Variants in SEMA5A observed in about 807,000 individuals in gnomAD.
SEMA5A encodes the protein semaphorin-5A.
SEMA5A carries 55 observed loss-of-function variants against 135.5 expected under a neutral mutation model. The ratio of observed to expected loss-of-function variants is 0.41; its 90% CI spans 0.33 to 0.51. The LOEUF (loss-of-function observed/expected upper bound fraction) is 0.51, where lower values mean the gene tolerates loss of function less well. Among genes scored for constraint, SEMA5A ranks in the 20% least tolerant of loss-of-function variants. SEMA5A has a pLI of 0.37. For synonymous variants in SEMA5A, 580 were observed against 546.5 expected (o/e 1.06, Z -0.85); for missense variants, 1,290 against 1,419.9 (o/e 0.91, Z 1.47).
intron 11 of SEMA5A, among the ~76,000 whole-genome samples, chr5:9,174,013 G>A (rs1201034986): frequency 6.6e-6 from 1 of 152,196 alleles, no homozygotes; most frequent in African/African-American, 2.4e-5. Flanking sequence ...AAAGGAAAGA[G>A]AGATGAAAAT....
chr5:9,490,544 TAATA>T (rs950868775), intron 1 of SEMA5A, among the ~76,000 whole-genome samples: 16 of 152,186 alleles, frequency 1.1e-4, no homozygotes, highest in African/African-American at 1.7e-4. Flanking sequence ...AGCAGATGTA[TAATA>T]AATAAATAAA....
chr5:9,406,093 G>C (rs1756876155), intron 2 of SEMA5A, among the ~76,000 whole-genome samples: 1 of 152,198 alleles, frequency 6.6e-6, no homozygotes, highest in African/African-American at 2.4e-5. Flanking sequence ...GGAAGAATTT[G>C]TTAGAAGCAA....
intron 7 of SEMA5A, among the ~76,000 whole-genome samples, chr5:9,225,149 A>G (rs556836409): frequency 1.3e-5 from 2 of 152,296 alleles, no homozygotes; most frequent in Middle Eastern, 3.4e-3. Flanking sequence ...AATAAGAAAT[A>G]AGATCATTGT....
chr5:9,451,032 C>T (rs1205921574), intron 1 of SEMA5A, among the ~76,000 whole-genome samples: 1 of 152,142 alleles, frequency 6.6e-6, no homozygotes, highest in Non-Finnish European at 1.5e-5. Context: ...AAAACAATGA[C>T]GCAGAAATAA....
chr5:9,305,327 TTTC>T (rs1207065277), intron 5 of SEMA5A, among the ~76,000 whole-genome samples: 4 of 152,166 alleles, frequency 2.6e-5, no homozygotes, highest in Non-Finnish European at 5.9e-5. Flanking sequence ...ACACTGAATA[TTTC>T]TTTTCTCCTT....
intron 2 of SEMA5A, among the ~76,000 whole-genome samples, chr5:9,421,665 C>T (rs1757473403): frequency 1.3e-5 from 2 of 152,174 alleles, no homozygotes; most frequent in Admixed American, 6.5e-5. Context: ...CCCCTTTAAT[C>T]AGCATCCTTA....
At chr5:9,053,436 T>C (rs1209773478) in intron 19 of SEMA5A, among the ~76,000 whole-genome samples, 2 of 152,232 alleles carry the variant, frequency 1.3e-5, no homozygotes, top group African/African-American at 4.8e-5. Context: ...ACTGATTTGA[T>C]GTCATGCTTT....
chr5:9,535,683 A>T (rs769502414), intron 1 of SEMA5A, among the ~76,000 whole-genome samples: 1 of 152,110 alleles, frequency 6.6e-6, no homozygotes, highest in Non-Finnish European at 1.5e-5. Context: ...TTGAGGAGTA[A>T]GGAGGCGAAG....
At position 9,035,397 on chromosome 5, in the gene SEMA5A, T is replaced by C. The variant is rs1579274639; in HGVS notation, c.*7500A>G. On this transcript the variant is annotated 3_prime_UTR_variant, in exon 23 of 23. Coordinates refer to ENST00000382496, the MANE Select transcript of SEMA5A (RefSeq NM_003966.3). ...CGTGTTTGTTTCTCAAAGCTGAGGCTTGGAGCAGGTGTGAGTTGCCTTCCA... is the reference window on the plus strand; with the variant it reads ...CGTGTTTGTTTCTCAAAGCTGAGGCCTGGAGCAGGTGTGAGTTGCCTTCCA... 1.3e-5 allele frequency: 2 copies of C among 152,072 alleles called. No homozygotes were observed. Among genetic ancestry groups the C allele is most frequent in the Non-Finnish European group, 2.9e-5 (2 of 68,002 alleles). The allele number at this position is 152,072 out of a possible 1,614,324, so 9.4% of individuals were successfully genotyped here.
At chr5:9,418,346 A>G (rs2126624504) in intron 2 of SEMA5A, among the ~76,000 whole-genome samples, 2 of 152,242 alleles carry the variant, frequency 1.3e-5, no homozygotes, top group East Asian at 3.9e-4. Flanking sequence ...TCACCTCTCA[A>G]AGGTCCACCT....
At chr5:9,361,501 T>C (rs1261961754) in intron 3 of SEMA5A, among the ~76,000 whole-genome samples, 1 of 152,128 alleles carries the variant, frequency 6.6e-6, no homozygotes, top group Non-Finnish European at 1.5e-5. Context: ...ATGTTGTGAG[T>C]TCTAGATAAA....
intron 5 of SEMA5A, among the ~76,000 whole-genome samples, chr5:9,271,000 T>C (rs1365249571): frequency 6.6e-6 from 1 of 152,142 alleles, no homozygotes; most frequent in African/African-American, 2.4e-5. Context: ...AGGAACTTGA[T>C]ACGGTTTTGT....
At chr5:9,376,430 G>C (rs1426007015) in intron 3 of SEMA5A, among the ~76,000 whole-genome samples, 2 of 152,138 alleles carry the variant, frequency 1.3e-5, no homozygotes, top group East Asian at 1.9e-4. Context: ...TTGGGATGCA[G>C]TTCTGGCATG....
At chr5:9,163,231 C>T (rs369086190) in intron 11 of SEMA5A, among the ~76,000 whole-genome samples, 4 of 147,632 alleles carry the variant, frequency 2.7e-5, no homozygotes, top group African/African-American at 7.5e-5. Context: ...GGGAAACAGA[C>T]GATGAAAAAA....
chr5:9,182,160 C>A (rs200244851), intron 11 of SEMA5A, among the ~76,000 whole-genome samples: 63 of 138,598 alleles, frequency 4.5e-4, no homozygotes, highest in African/African-American at 1.7e-3. Flanking sequence ...CCCCCCACCC[C>A]AAAAAAAAAT....
chr5:9,388,985 C>T (rs972222852), intron 2 of SEMA5A, among the ~76,000 whole-genome samples: 4 of 152,104 alleles, frequency 2.6e-5, no homozygotes, highest in South Asian at 2.1e-4. Context: ...TCTATGCCAA[C>T]ACAGAAAAGC....
At chr5:9,184,543 T>A (rs533872030) in intron 11 of SEMA5A, among the ~76,000 whole-genome samples, 1 of 152,334 alleles carries the variant, frequency 6.6e-6, no homozygotes, top group Admixed American at 6.5e-5. Flanking sequence ...TATCTTTTAT[T>A]TCTACATTTT....
At position 9,311,176 on chromosome 5, in the gene SEMA5A, G is replaced by A. The variant is rs185279368; in HGVS notation, c.270+7196C>T. On this transcript the variant is annotated intron_variant, in intron 5 of 22. Transcript: ENST00000382496. ...GGGTCCTGCTCTGTGCATTGTAGAA[G>A]GTTTGGTACCACCCCTGGTCTCTAC... 9.1e-4 allele frequency among the ~76,000 whole-genome samples: 138 copies of A among 151,738 alleles called. 1 individual carries two copies. The highest frequency in any genetic ancestry group is 3.1e-3 in the African/African-American group (130 of 41,398).
chr5:9,081,027 T>C (rs1291286373), intron 16 of SEMA5A, among the ~76,000 whole-genome samples: 3 of 152,226 alleles, frequency 2.0e-5, no homozygotes, highest in African/African-American at 7.2e-5. Flanking sequence ...AGAGATTTTC[T>C]TTTGCTGGCT....
Sources: gnomAD v4.1 joint callset for allele counts (sites outside exome capture counted in the v4.1 genomes callset) on GRCh38, gnomAD v4.1.1 for gene constraint, MANE v1.5 for transcripts, NCBI Gene and HGNC (gene_info 2026-07-23, HGNC 2026-07-21) for gene names.